CCDC15: variants seen among roughly 807,000 people sequenced by gnomAD.
CCDC15 encodes the protein coiled-coil domain containing 15.
A neutral mutation model predicts 114.5 loss-of-function variants in CCDC15; 105 were observed. The ratio of observed to expected loss-of-function variants is 0.92; its 90% CI spans 0.78 to 1.08. The LOEUF (loss-of-function observed/expected upper bound fraction) is 1.08. Among genes scored for constraint, CCDC15 ranks in the 50% least tolerant of loss-of-function variants. The probability of loss-of-function intolerance (pLI) is 0.00; values close to 1 mark genes in which losing one functional copy is unlikely to be tolerated. For synonymous variants in CCDC15, 334 were observed against 377.8 expected (o/e 0.88, Z 1.34); for missense variants, 1,105 against 1,093.6 (o/e 1.01, Z -0.15).
Position 124,991,587 on chromosome 11 carries a change from G to C in CCDC15, c.2031+4G>C. The stretch of plus-strand genomic sequence containing the variant: ...CCAGGATGACATCAAAAATCAGGTA[G>C]AGTAGAAGAAAAAGATATAAACAGG... On this transcript the variant is annotated splice_donor_region_variant and intron_variant, in intron 9 of 15. Transcript: ENST00000344762. The C allele has an allele frequency of 6.3e-7, 1 of 1,595,770 alleles. No homozygotes were observed.
intron 5 of CCDC15, among the ~76,000 whole-genome samples, chr11:124,975,619 A>G (rs1473329743): frequency 6.6e-6 from 1 of 152,192 alleles, no homozygotes; most frequent in Non-Finnish European, 1.5e-5. Flanking sequence ...TGGGAAGCAT[A>G]TAATAAACAA....
At chr11:125,035,641 A>G (rs923724139) in intron 13 of CCDC15, among the ~76,000 whole-genome samples, 1 of 152,006 alleles carries the variant, frequency 6.6e-6, no homozygotes, top group African/African-American at 2.4e-5. Context: ...TGGTTGTTTC[A>G]TGGTCTTCTT....
chr11:124,993,138 C>CA, intron 10 of CCDC15, 31 bp from the exon 11 acceptor site: 1 of 1,393,114 alleles, frequency 7.2e-7, no homozygotes, highest in Non-Finnish European at 1.0e-6. Context: ...TCTGCTTAGA[C>CA]AATCAGTTTT....
chr11:124,993,216 A>G lies in CCDC15; in HGVS notation c.2187A>G (p.Ala729=). Residue 729 remains alanine (A), a synonymous_variant, in exon 11 of 16, where the codon GCA becomes GCG. Coordinates refer to ENST00000344762, the MANE Select transcript of CCDC15 (RefSeq NM_025004.3). ...LPSSFEKWEI[A]RGNTPGVPLA... ...CATCTTTTGAGAAATGGGAGATTGC[A>G]AGAGGAAATACTCCTGGAGTGCCCT... The G allele has an allele frequency of 1.2e-6, 2 of 1,606,600 alleles. No homozygotes were observed. Among genetic ancestry groups the G allele is most frequent in the Non-Finnish European group, 1.7e-6 (2 of 1,174,990 alleles).
At chr11:124,965,433 G>T (rs1176862672) in intron 4 of CCDC15, among the ~76,000 whole-genome samples, 1 of 152,166 alleles carries the variant, frequency 6.6e-6, no homozygotes, top group Non-Finnish European at 1.5e-5. Context: ...TTACGTAGAG[G>T]TGTTTGTAGT....
At chr11:125,030,320 AG>A (rs975882000) in intron 13 of CCDC15, among the ~76,000 whole-genome samples, 15 of 152,336 alleles carry the variant, frequency 9.8e-5, no homozygotes, top group Admixed American at 2.6e-4. Flanking sequence ...TGACTTCAAA[AG>A]GATATTCCAC....
chr11:125,000,818 G>C (rs143393036), intron 11 of CCDC15, among the ~76,000 whole-genome samples: 1 of 152,250 alleles, frequency 6.6e-6, no homozygotes, highest in African/African-American at 2.4e-5. Context: ...TACAAACACT[G>C]AATCAGGAAA....
intron 13 of CCDC15, among the ~76,000 whole-genome samples, chr11:125,017,718 TTGCC>T (rs1481074093): frequency 3.9e-5 from 6 of 152,232 alleles, no homozygotes; most frequent in Middle Eastern, 3.4e-3. Flanking sequence ...ATGAGTGTTA[TTGCC>T]TCTGAAAACT....
At chr11:125,034,952 A>C (rs1384374082) in intron 13 of CCDC15, among the ~76,000 whole-genome samples, 1 of 152,110 alleles carries the variant, frequency 6.6e-6, no homozygotes, top group Admixed American at 6.5e-5. Flanking sequence ...GGAGTTTATT[A>C]AGGAGTATTA....
At chr11:124,989,025 G>A (rs1948224550) in intron 8 of CCDC15, among the ~76,000 whole-genome samples, 2 of 152,160 alleles carry the variant, frequency 1.3e-5, no homozygotes, top group Admixed American at 1.3e-4. Context: ...GTTCTTAATG[G>A]CATCAAGATG....
Position 124,986,805 on chromosome 11 carries a change from AAAG to A in CCDC15, c.822_824del (p.Glu274del), listed in dbSNP as rs1360348813. On this transcript the variant is annotated inframe_deletion, in exon 7 of 16. Transcript: ENST00000344762. Reference sequence around the variant, plus strand: ...ATCTCTTGTAACTGATGAGAAAGGGAAAGAAGATTTGTTTGGGAGAGGCCAGCA... The same window carrying A: ...ATCTCTTGTAACTGATGAGAAAGGGAAAGATTTGTTTGGGAGAGGCCAGCA... 4.8e-5 allele frequency: 74 copies of A among 1,553,494 alleles called. No individual in the cohort carries two copies. The Middle Eastern group carries it at 4.3e-3, about 91-fold the overall frequency.
intron 11 of CCDC15, among the ~76,000 whole-genome samples, chr11:125,001,671 A>T (rs1478025491): frequency 6.6e-6 from 1 of 152,220 alleles, no homozygotes; most frequent in East Asian, 1.9e-4. Flanking sequence ...GCCTTTCGTG[A>T]CTGGCTTCTT....
intron 3 of CCDC15, 53 bp from the exon 4 acceptor site, chr11:124,959,762 A>G: frequency 7.7e-7 from 1 of 1,294,014 alleles, no homozygotes; most frequent in Non-Finnish European, 1.0e-6. Flanking sequence ...GCATTATTTG[A>G]TTGCTCTGGA....
intron 13 of CCDC15, among the ~76,000 whole-genome samples, chr11:125,016,696 A>T (rs948046191): frequency 6.6e-6 from 1 of 152,212 alleles, no homozygotes; most frequent in East Asian, 1.9e-4. Flanking sequence ...AGTCAAAATG[A>T]GAATTTCATT....
intron 13 of CCDC15, among the ~76,000 whole-genome samples, chr11:125,027,086 AGT>A (rs1389303371): frequency 1.4e-4 from 22 of 152,152 alleles, no homozygotes; most frequent in Admixed American, 1.2e-3. Flanking sequence ...TTTATGGCTG[AGT>A]AGTATTCCAT....
At chr11:125,031,987 T>C (rs1226453207) in intron 13 of CCDC15, among the ~76,000 whole-genome samples, 1 of 152,214 alleles carries the variant, frequency 6.6e-6, no homozygotes, top group African/African-American at 2.4e-5. Context: ...AGAAGGAATA[T>C]CTCGACAGGT....
chr11:125,018,489 A>C lies in CCDC15; in HGVS notation c.2411+13277A>C, dbSNP rs1344499060. On this transcript the variant is annotated intron_variant, in intron 13 of 15. Transcript: ENST00000344762. Reference sequence around the variant, plus strand: ...GCATGACTGGAAATAGATCATTATAATACCGTATATTTAGTATTACAAGAT... The same window carrying C: ...GCATGACTGGAAATAGATCATTATACTACCGTATATTTAGTATTACAAGAT... 5.3e-5 allele frequency among the ~76,000 whole-genome samples: 8 copies of C among 152,102 alleles called. No individual in the cohort carries two copies. In the East Asian group the frequency reaches 1.5e-3, roughly 29 times the overall value.
At chr11:125,025,811 T>C (rs1324866334) in intron 13 of CCDC15, among the ~76,000 whole-genome samples, 1 of 152,126 alleles carries the variant, frequency 6.6e-6, no homozygotes, top group East Asian at 1.9e-4. Context: ...TGGTATCACC[T>C]CTTAATTTTG....
intron 3 of CCDC15, 137 bp downstream of exon 3, chr11:124,959,401 A>AT (rs1390337333): frequency 6.4e-5 from 50 of 783,630 alleles, no homozygotes; most frequent in South Asian, 1.9e-4. Context: ...AAGACAGTAA[A>AT]TTTTTTTTGT....
Sources: gnomAD v4.1 joint callset for allele counts (sites outside exome capture counted in the v4.1 genomes callset) on GRCh38, gnomAD v4.1.1 for gene constraint, MANE v1.5 for transcripts, NCBI Gene and HGNC (gene_info 2026-07-23, HGNC 2026-07-21) for gene names.